PTER: variants seen among roughly 807,000 people sequenced by gnomAD.
The protein encoded by PTER is phosphotriesterase related.
PTER carries 38 observed loss-of-function variants against 29.6 expected under a neutral mutation model. That is an observed-to-expected ratio of 1.28 (90% CI 0.99 to 1.68). PTER has a LOEUF of 1.68. PTER is among the 40% of genes most tolerant of loss of function. PTER has a pLI of 0.00. For missense variants in PTER, 482 were observed against 427.8 expected, an observed-to-expected ratio of 1.13 and a Z score of -1.12; for synonymous variants, 172 against 154.5, an observed-to-expected ratio of 1.11 and a Z score of -0.84.
chr10:16,478,007 T>G (rs1221094044), intron 1 of PTER, among the ~76,000 whole-genome samples: 1 of 152,152 alleles, frequency 6.6e-6, no homozygotes, highest in Non-Finnish European at 1.5e-5. Context: ...GAGTTCTTCA[T>G]GAAGAAAAGC....
intron 1 of PTER, among the ~76,000 whole-genome samples, chr10:16,463,768 C>T (rs1462676694): frequency 2.0e-5 from 3 of 152,066 alleles, no homozygotes; most frequent in African/African-American, 4.8e-5. Context: ...AAGTGTTGGT[C>T]GACGCCCAAA....
chr10:16,469,252 A>G (rs1172977936), intron 1 of PTER, among the ~76,000 whole-genome samples: 2 of 152,178 alleles, frequency 1.3e-5, no homozygotes, highest in Non-Finnish European at 2.9e-5. Context: ...ACAGGGGAGA[A>G]GATAAAAAGT....
intron 1 of PTER, among the ~76,000 whole-genome samples, chr10:16,463,395 G>C (rs1834694267): frequency 6.6e-6 from 1 of 151,978 alleles, no homozygotes; most frequent in African/African-American, 2.4e-5. Flanking sequence ...ATAAGAAACA[G>C]GTGATGCATA....
chr10:16,486,702 G>T, intron 3 of PTER, 85 bp downstream of exon 3: 1 of 1,402,826 alleles, frequency 7.1e-7, no homozygotes, highest in Non-Finnish European at 9.6e-7. Context: ...ATCAGTCAAT[G>T]CAATACTAAT....
At chr10:16,442,043 C>T (rs11818351) in intron 1 of PTER, among the ~76,000 whole-genome samples, 21,198 of 152,042 alleles carry the variant, frequency 0.14, 2,480 homozygotes, top group African/African-American at 0.31. Flanking sequence ...CTTGCAGTGG[C>T]TTAATTGGGT....
At chr10:16,438,469 G>GGTTT (rs1554784923) in intron 1 of PTER, among the ~76,000 whole-genome samples, 6,110 of 94,990 alleles carry the variant, frequency 0.064, 240 homozygotes, top group African/African-American at 0.17. Context: ...TCTGTTTTTT[G>GGTTT]TTTTTTTTTT....
chr10:16,476,776 T>C (rs886179111), intron 1 of PTER, among the ~76,000 whole-genome samples: 1 of 152,066 alleles, frequency 6.6e-6, no homozygotes, highest in Middle Eastern at 3.4e-3. Flanking sequence ...TTTCCCAGGC[T>C]GGTCTCAAAC....
intron 4 of PTER, among the ~76,000 whole-genome samples, chr10:16,506,276 G>A (rs1836559652): frequency 1.3e-5 from 2 of 152,128 alleles, no homozygotes; most frequent in Admixed American, 1.3e-4. Flanking sequence ...TTCAAGAAGC[G>A]TGGCAGTGGA....
At chr10:16,461,885 T>C (rs1431624371) in intron 1 of PTER, among the ~76,000 whole-genome samples, 3 of 152,204 alleles carry the variant, frequency 2.0e-5, no homozygotes, top group Non-Finnish European at 2.9e-5. Context: ...ACTTGAGTGA[T>C]ACCAAATCAT....
intron 1 of PTER, among the ~76,000 whole-genome samples, chr10:16,461,765 C>T (rs549473804): frequency 6.6e-6 from 1 of 152,226 alleles, no homozygotes; most frequent in South Asian, 2.1e-4. Flanking sequence ...TTTGTCTTTT[C>T]ATTTTTGTAA....
intron 1 of PTER, among the ~76,000 whole-genome samples, chr10:16,457,008 A>C (rs1272573500): frequency 6.6e-6 from 1 of 152,074 alleles, no homozygotes; most frequent in African/African-American, 2.4e-5. Flanking sequence ...AGCCACGTGC[A>C]ACTGTGAGTC....
chr10:16,507,371 A>T (rs1836615580), intron 4 of PTER, among the ~76,000 whole-genome samples: 1 of 152,128 alleles, frequency 6.6e-6, no homozygotes, highest in Non-Finnish European at 1.5e-5. Context: ...GGGGAGCAGT[A>T]GTTCCCTATG....
chr10:16,466,426 G>T (rs1834832418), intron 1 of PTER, among the ~76,000 whole-genome samples: 1 of 152,092 alleles, frequency 6.6e-6, no homozygotes, highest in Non-Finnish European at 1.5e-5. Flanking sequence ...CACCATCTCA[G>T]CTCACTGCAA....
At chr10:16,488,371 A>G (rs1835779214) in intron 3 of PTER, among the ~76,000 whole-genome samples, 1 of 152,182 alleles carries the variant, frequency 6.6e-6, no homozygotes, top group Non-Finnish European at 1.5e-5. Context: ...GGATATATGT[A>G]GCACATTTAC....
intron 3 of PTER, among the ~76,000 whole-genome samples, chr10:16,490,902 T>C (rs1164312073): frequency 6.6e-6 from 1 of 151,866 alleles, no homozygotes; most frequent in East Asian, 1.9e-4. Context: ...TCAAACAATA[T>C]ATAAATTGCA....
At chr10:16,442,314 ACATT>A (rs1833877557) in intron 1 of PTER, among the ~76,000 whole-genome samples, 1 of 152,194 alleles carries the variant, frequency 6.6e-6, no homozygotes, top group Non-Finnish European at 1.5e-5. Flanking sequence ...CTCATCTCCT[ACATT>A]CTTGCATATC....
intron 1 of PTER, among the ~76,000 whole-genome samples, chr10:16,438,587 G>A (rs1266568721): frequency 1.3e-5 from 2 of 150,768 alleles, no homozygotes; most frequent in East Asian, 4.1e-4. Context: ...AGGATTACAG[G>A]CGTGAGCCAC....
intron 1 of PTER, among the ~76,000 whole-genome samples, chr10:16,456,859 A>AGGCGGGG (rs775837340): frequency 5.3e-5 from 3 of 56,160 alleles, no homozygotes; most frequent in African/African-American, 3.3e-4. Flanking sequence ...ACCATGGGGA[A>AGGCGGGG]GGTGGGGGGG....
chr10:16,454,702 T>A (rs1025314378), intron 1 of PTER, among the ~76,000 whole-genome samples: 1 of 151,968 alleles, frequency 6.6e-6, no homozygotes, highest in African/African-American at 2.4e-5. Context: ...ATAATATAAT[T>A]TCCATTTTTA....
Sources: allele counts gnomAD v4.1 joint callset (sites outside exome capture counted in the v4.1 genomes callset), GRCh38; gene constraint gnomAD v4.1.1; transcripts MANE v1.5; gene names NCBI Gene and HGNC (gene_info 2026-07-23, HGNC 2026-07-21).